Variants in DNAH6 observed in about 807,000 individuals in gnomAD.
DNAH6 encodes dynein axonemal heavy chain 6, also known as axonemal beta dynein heavy chain 6.
In DNAH6, 340 loss-of-function variants were observed where a neutral mutation model predicts 491.4. The ratio of observed to expected loss-of-function variants is 0.69; its 90% CI spans 0.63 to 0.76. DNAH6 has a LOEUF of 0.76. DNAH6 is among the 30% of genes least tolerant of loss of function. DNAH6 has a pLI of 0.00. For synonymous variants in DNAH6, 1,603 were observed against 1,686.1 expected (o/e 0.95, Z 1.21); for missense variants, 4,443 against 4,972.2 (o/e 0.89, Z 3.20).
chr2:84,705,668 T>C lies in DNAH6; in HGVS notation c.8648T>C (p.Met2883Thr). The C allele has an allele frequency of 6.4e-7, 1 of 1,551,764 alleles. No individual in the cohort carries two copies. Among genetic ancestry groups the C allele is most frequent in the Non-Finnish European group, 8.7e-7 (1 of 1,147,004 alleles). Residue 2883 changes from methionine (M) to threonine (T), a missense_variant, in exon 52 of 77, where the codon ATG (methionine) becomes ACG (threonine). Met to Thr is a moderately conservative substitution (Grantham distance 81). Transcript: ENST00000389394. ...TCCAAAGCATGTAAATCTATGTGCATGTGGGTAAGAGCTATGGATTTGTAC... is the reference window on the plus strand; with the variant it reads ...TCCAAAGCATGTAAATCTATGTGCACGTGGGTAAGAGCTATGGATTTGTAC... ...KVSKACKSMCMWVRAMDLYSR... is the reference protein window; with the variant it reads ...KVSKACKSMCTWVRAMDLYSR...
intron 32 of DNAH6, among the ~76,000 whole-genome samples, chr2:84,641,448 C>T (rs561191477): frequency 5.9e-5 from 9 of 152,084 alleles, no homozygotes; most frequent in Admixed American, 4.6e-4. Context: ...TCCAGTGGGT[C>T]GTAGAGACAG....
Position 84,619,919 on chromosome 2 carries a change from T to C in DNAH6, c.3792+15T>C, listed in dbSNP as rs1573246413. 1.6e-5 allele frequency: 24 copies of C among 1,535,562 alleles called. 1 individual carries two copies. The highest frequency in any genetic ancestry group is 1.5e-4 in the African/African-American group (11 of 72,576). On this transcript the variant is annotated intron_variant, in intron 24 of 76. Transcript: ENST00000389394. ...AGGGAGAAAGGGTGAGGTGCTTTTA[T>C]TTATATTTCTTTATTGATGAACTTT...
rs886085814 is a variant in DNAH6 at position 84,707,598 on chromosome 2, G to T, written c.8930G>T (p.Arg2977Leu). ...LTAALEDEQV[R>L]WEESIQKFEE... The stretch of plus-strand genomic sequence containing the variant: ...GCAGCATTAGAAGATGAGCAGGTTC[G>T]ATGGGAAGAAAGCATACAGAAGTTT... The change falls in exon 54 of 77, where the codon CGA (arginine) becomes CTA (leucine). Residue 2977 changes from arginine (R) to leucine (L), a missense_variant. Transcript: ENST00000389394. 7 of 1,552,164 alleles carry T rather than the reference G, an allele frequency of 4.5e-6. No individual in the cohort carries two copies. The East Asian group carries it at 1.7e-4, about 38-fold the overall frequency.
intron 2 of DNAH6, among the ~76,000 whole-genome samples, chr2:84,521,974 A>G (rs778243708): frequency 1.3e-4 from 20 of 152,096 alleles, no homozygotes; most frequent in Non-Finnish European, 2.8e-4. Flanking sequence ...TTGGTTCCAT[A>G]TGAATTTTAA....
intron 11 of DNAH6, among the ~76,000 whole-genome samples, chr2:84,565,670 T>C (rs949822075): frequency 3.3e-5 from 5 of 152,072 alleles, no homozygotes; most frequent in African/African-American, 1.2e-4. Flanking sequence ...GATCAGTCAC[T>C]GTTAGTGGGC....
At chr2:84,751,342 C>G (rs1673450995) in intron 63 of DNAH6, 1 of 152,228 alleles carries the variant, frequency 6.6e-6, no homozygotes, top group South Asian at 2.1e-4. Context: ...ACAAGCGGAG[C>G]TTATTGGGTG....
chr2:84,588,338 A>G (rs1165207121), intron 15 of DNAH6, among the ~76,000 whole-genome samples: 1 of 152,202 alleles, frequency 6.6e-6, no homozygotes, highest in Middle Eastern at 3.2e-3. Context: ...CTCCTGAACT[A>G]TTCCATTCCC....
rs1263425819 is a variant in DNAH6, at chr2:84,547,617, G to A, written c.1186+5G>A. 2 of 1,551,728 alleles carry A rather than the reference G, an allele frequency of 1.3e-6. No homozygotes were observed. The highest frequency in any genetic ancestry group is 1.2e-5 in the South Asian group (1 of 84,018). On this transcript the variant is annotated splice_donor_5th_base_variant and intron_variant, in intron 7 of 76. Transcript: ENST00000389394. ...GTGCATTTGGACCTTTTGAGGGTAT[G>A]AAGGGGAAAGAACCTCAATATATCA...
chr2:84,736,445 T>C (rs556360970), intron 62 of DNAH6, among the ~76,000 whole-genome samples: 23 of 152,334 alleles, frequency 1.5e-4, no homozygotes, highest in Admixed American at 1.0e-3. Context: ...AGCATAGTCA[T>C]TTTAATGATA....
chr2:84,570,951 C>T (rs996640053), intron 11 of DNAH6, among the ~76,000 whole-genome samples: 2 of 152,000 alleles, frequency 1.3e-5, no homozygotes, highest in African/African-American at 2.4e-5. Context: ...CAAACAACTC[C>T]GGACACACCA....
At chr2:84,559,373 G>A (rs1680413430) in intron 11 of DNAH6, among the ~76,000 whole-genome samples, 2 of 152,100 alleles carry the variant, frequency 1.3e-5, no homozygotes, top group African/African-American at 2.4e-5. Flanking sequence ...TTGAACATTG[G>A]ATGGTGCAGA....
the DNAH6 span, among the ~76,000 whole-genome samples, chr2:84,498,045 C>G: frequency 6.6e-6 from 1 of 152,216 alleles, no homozygotes; most frequent in African/African-American, 2.4e-5. Context: ...TCCTTCCAGA[C>G]AAGATAGGTT....
At chr2:84,571,919 A>G (rs2103934695) in intron 11 of DNAH6, among the ~76,000 whole-genome samples, 1 of 152,192 alleles carries the variant, frequency 6.6e-6, no homozygotes. Context: ...CTCTGTCTCA[A>G]AAAGAAAAAA....
intron 18 of DNAH6, among the ~76,000 whole-genome samples, chr2:84,602,484 T>A (rs1392058835): frequency 5.5e-4 from 5 of 9,172 alleles, no homozygotes; most frequent in East Asian, 0.021. Context: ...TTGTGTCCCT[T>A]TTTTTTTTTT....
At chr2:84,707,808 T>C (rs1696625939) in intron 54 of DNAH6, 92 bp downstream of exon 54, 5 of 922,964 alleles carry the variant, frequency 5.4e-6, no homozygotes, top group Non-Finnish European at 8.2e-6. Context: ...ATGGAGGCTC[T>C]CCACTGTAGA....
rs1055228406 is a variant in DNAH6, at chr2:84,753,665, G to A, written c.10512+8416G>A. ...CCAGCTACTCAGGAGGCTGAGGCAG[G>A]AGATTGGCTTGAACCCAGGAGACAG... On this transcript the variant is annotated intron_variant, in intron 63 of 76. Transcript: ENST00000389394. Among the ~76,000 whole-genome samples the A allele has an allele frequency of 4.0e-5, 6 of 149,538 alleles. No individual in the cohort carries two copies. In the East Asian group the frequency reaches 6.0e-4, roughly 15 times the overall value.
chr2:84,622,251 C>T (rs1405736365), intron 26 of DNAH6, among the ~76,000 whole-genome samples: 1 of 152,140 alleles, frequency 6.6e-6, no homozygotes, highest in African/African-American at 2.4e-5. Context: ...TTTATTCATG[C>T]TACCACATGT....
At chr2:84,648,935 G>C (rs145444206) in intron 33 of DNAH6, among the ~76,000 whole-genome samples, 5 of 152,242 alleles carry the variant, frequency 3.3e-5, no homozygotes, top group African/African-American at 1.2e-4. Flanking sequence ...CAAAAGAGTC[G>C]ATGAACGTGG....
intron 63 of DNAH6, among the ~76,000 whole-genome samples, chr2:84,752,369 A>T (rs1392740309): frequency 6.6e-6 from 1 of 152,244 alleles, no homozygotes. Flanking sequence ...ATACAGATTA[A>T]GCAAGAGTTA....
Sources: allele counts gnomAD v4.1 joint callset (sites outside exome capture counted in the v4.1 genomes callset), GRCh38; gene constraint gnomAD v4.1.1; transcripts MANE v1.5; gene names NCBI Gene and HGNC (gene_info 2026-07-23, HGNC 2026-07-21).